The following SPHKAP variants were observed in gnomAD, a reference collection of about 807,000 sequenced individuals.
The protein encoded by SPHKAP is A-kinase anchor protein SPHKAP.
A neutral mutation model predicts 137.5 loss-of-function variants in SPHKAP; 67 were observed. The ratio of observed to expected loss-of-function variants is 0.49; its 90% CI spans 0.40 to 0.60. The LOEUF (loss-of-function observed/expected upper bound fraction) is 0.60. Ranked by LOEUF, SPHKAP falls within the 20% of genes least tolerant of loss-of-function variation. SPHKAP has a pLI of 0.00. For missense variants in SPHKAP, 2,097 were observed against 2,069.3 expected, an observed-to-expected ratio of 1.01 and a Z score of -0.26; for synonymous variants, 813 against 785.3, an observed-to-expected ratio of 1.04 and a Z score of -0.59.
rs1452346695 is a variant in SPHKAP, at chr2:228,025,453, T to C, written c.382A>G (p.Ile128Val). 1 of 1,613,958 alleles carries C rather than the reference T, an allele frequency of 6.2e-7. No individual in the cohort carries two copies. The highest frequency in any genetic ancestry group is 1.7e-5 in the Admixed American group (1 of 60,022). The change falls in exon 5 of 12, where the codon ATT becomes GTT. Residue 128 changes from isoleucine to valine, a missense_variant. Transcript: ENST00000392056. ...MNVQQPKENE[I>V]VVLSGLASGN... The stretch of plus-strand genomic sequence containing the variant: ...GAGGCTAACCCACTTAGGACAACAA[T>C]TTCATTTTCTTTTGGTTGTTGGACA...
chr2:228,094,218 C>G (rs759923622), intron 3 of SPHKAP, among the ~76,000 whole-genome samples: 6 of 151,986 alleles, frequency 3.9e-5, no homozygotes, highest in Non-Finnish European at 7.4e-5. Flanking sequence ...GGGAACCAAC[C>G]GGAATATTTT....
intron 2 of SPHKAP, chr2:228,131,649 T>C (rs1196656899): frequency 2.3e-5 from 8 of 354,546 alleles, no homozygotes; most frequent in Non-Finnish European, 3.2e-5. Context: ...ATATAATATG[T>C]TGAGTCATTC....
At chr2:228,002,723 C>G (rs1693956496) in intron 7 of SPHKAP, among the ~76,000 whole-genome samples, 1 of 152,152 alleles carries the variant, frequency 6.6e-6, no homozygotes, top group Non-Finnish European at 1.5e-5. Flanking sequence ...AGTCTTTAAT[C>G]CATCTTGAAT....
At chr2:228,012,314 A>G (rs1203039329) in intron 7 of SPHKAP, among the ~76,000 whole-genome samples, 1 of 152,016 alleles carries the variant, frequency 6.6e-6, no homozygotes. Flanking sequence ...GATCAGCTTC[A>G]TACCTAAAAG....
rs189508583 is a variant in SPHKAP, at chr2:228,121,123, T to C, written c.138+10857A>G. 4.1e-3 allele frequency among the ~76,000 whole-genome samples: 631 copies of C among 152,286 alleles called. 2 individuals carry two copies. The highest frequency in any genetic ancestry group is 8.5e-3 in the South Asian group (41 of 4,824). The stretch of plus-strand genomic sequence containing the variant: ...GTGTTGGTATGCAAAGTACAGGTAG[T>C]GAAGAATTTGCCACTAGACAAAGGG... On this transcript the variant is annotated intron_variant, in intron 2 of 11. Transcript: ENST00000392056.
At chr2:228,079,600 G>A (rs186508716) in intron 3 of SPHKAP, among the ~76,000 whole-genome samples, 61 of 152,244 alleles carry the variant, frequency 4.0e-4, no homozygotes, top group Admixed American at 2.2e-3. Context: ...GGCCTACCCC[G>A]GTGGATGCAT....
At chr2:228,041,333 C>T (rs1695832873) in intron 3 of SPHKAP, among the ~76,000 whole-genome samples, 1 of 152,160 alleles carries the variant, frequency 6.6e-6, no homozygotes, top group Admixed American at 6.5e-5. Flanking sequence ...AATCAGGATT[C>T]TCCAAGTATT....
intron 2 of SPHKAP, among the ~76,000 whole-genome samples, chr2:228,122,596 A>G (rs1471682180): frequency 1.3e-5 from 2 of 152,204 alleles, no homozygotes; most frequent in African/African-American, 4.8e-5. Flanking sequence ...GACATCTTCT[A>G]GAGGATGAGC....
intron 3 of SPHKAP, among the ~76,000 whole-genome samples, chr2:228,059,581 G>A (rs558798798): frequency 3.3e-5 from 5 of 152,272 alleles, no homozygotes; most frequent in South Asian, 2.1e-4. Flanking sequence ...AAACAGAATC[G>A]TAAAGTGGAC....
rs547462934 is a variant in SPHKAP, at chr2:228,181,663, G to C, written c.-65C>G. ...GCGAAGGATAAGTCTGTGGTGCTAGGACCCAGCTCCCAGAGTGCCAGACTG... is the reference window on the plus strand; with the variant it reads ...GCGAAGGATAAGTCTGTGGTGCTAGCACCCAGCTCCCAGAGTGCCAGACTG... On this transcript the variant is annotated 5_prime_UTR_variant, in exon 1 of 12. Transcript: ENST00000392056. This position sits in a 1 kb window ranked among gnomAD's most constrained non-coding sequence, Gnocchi z 4.3. 1.6e-4 allele frequency: 255 copies of C among 1,614,010 alleles called. 5 individuals carry two copies. In the South Asian group the frequency reaches 2.7e-3, roughly 17 times the overall value.
At chr2:228,023,637 A>G (rs1006878879) in intron 5 of SPHKAP, among the ~76,000 whole-genome samples, 1 of 152,136 alleles carries the variant, frequency 6.6e-6, no homozygotes, top group Non-Finnish European at 1.5e-5. Context: ...TATTGCATGC[A>G]AATTATGCAA....
At chr2:228,006,923 G>C (rs1694163916) in intron 7 of SPHKAP, among the ~76,000 whole-genome samples, 1 of 152,334 alleles carries the variant, frequency 6.6e-6, no homozygotes, top group South Asian at 2.1e-4. Context: ...GGGGTACTCA[G>C]CCGTGTGAGG....
chr2:228,143,208 A>T (rs1247991119), intron 1 of SPHKAP, among the ~76,000 whole-genome samples: 2 of 152,178 alleles, frequency 1.3e-5, no homozygotes, highest in Non-Finnish European at 2.9e-5. Flanking sequence ...GGTGCAAAAT[A>T]TTACACTATG....
At chr2:228,047,859 A>T (rs1055897181) in intron 3 of SPHKAP, among the ~76,000 whole-genome samples, 3 of 152,208 alleles carry the variant, frequency 2.0e-5, no homozygotes, top group Admixed American at 6.5e-5. Context: ...TGAAGTCTGG[A>T]CAAAAGAAAA....
chr2:227,981,594 T>C lies in SPHKAP; in HGVS notation c.*123A>G. ...GTATGCAGTGGATCTGAGTAGCAGA[T>C]TTTTTTTTATAGTTCTGCTAATGTG... On this transcript the variant is annotated 3_prime_UTR_variant, in exon 12 of 12. Transcript: ENST00000392056. 1.7e-6 allele frequency: 2 copies of C among 1,182,856 alleles called. No individual in the cohort carries two copies. The highest frequency in any genetic ancestry group is 2.3e-6 in the Non-Finnish European group (2 of 872,758). The allele number at this position is 1,182,856 out of a possible 1,614,324, so 73.3% of individuals were successfully genotyped here. A position where few individuals can be genotyped will look rare whatever the true frequency, so the allele number is the denominator to read the frequency against.
intron 1 of SPHKAP, among the ~76,000 whole-genome samples, chr2:228,140,707 G>T (rs2106386255): frequency 6.6e-6 from 1 of 152,174 alleles, no homozygotes; most frequent in South Asian, 2.1e-4. Context: ...TGGGGGGGTG[G>T]ATTTCTCATG....
chr2:228,067,616 G>A (rs1442515698), intron 3 of SPHKAP, among the ~76,000 whole-genome samples: 1 of 152,102 alleles, frequency 6.6e-6, no homozygotes, highest in Non-Finnish European at 1.5e-5. Context: ...GCTTTCAAAT[G>A]AGCACTTATG....
At chr2:227,984,810 G>C (rs563638386) in intron 11 of SPHKAP, among the ~76,000 whole-genome samples, 60 of 152,216 alleles carry the variant, frequency 3.9e-4, no homozygotes, top group Middle Eastern at 3.4e-3. Context: ...TTTGTTTCTC[G>C]AGACTTCTCT....
At chr2:228,031,635 A>C (rs1427202183) in intron 3 of SPHKAP, among the ~76,000 whole-genome samples, 1 of 152,172 alleles carries the variant, frequency 6.6e-6, no homozygotes, top group Non-Finnish European at 1.5e-5. Context: ...GCAGACTGAC[A>C]CCTCACACGG....
Sources: gnomAD v4.1 joint callset for allele counts (sites outside exome capture counted in the v4.1 genomes callset) on GRCh38, gnomAD v4.1.1 for gene constraint, Gnocchi (gnomAD v3.1) non-coding constraint, MANE v1.5 for transcripts, NCBI Gene and HGNC (gene_info 2026-07-23, HGNC 2026-07-21) for gene names.